Variants in EPHA6 observed in about 807,000 individuals in gnomAD.
The protein encoded by EPHA6 is ephrin type-A receptor 6.
In EPHA6, 50 loss-of-function variants were observed where a neutral mutation model predicts 112.0. The ratio of observed to expected loss-of-function variants is 0.45; its 90% CI spans 0.36 to 0.56. The LOEUF is 0.56. Among genes scored for constraint, EPHA6 ranks in the 20% least tolerant of loss-of-function variants. EPHA6 has a pLI of 0.00. For missense variants in EPHA6, 1,280 were observed against 1,417.4 expected (o/e 0.90, Z 1.56); for synonymous variants, 529 against 490.7 (o/e 1.08, Z -1.03).
chr3:97,655,533 G>A (rs2094132964), intron 14 of EPHA6, among the ~76,000 whole-genome samples: 1 of 151,842 alleles, frequency 6.6e-6, no homozygotes, highest in East Asian at 1.9e-4. Context: ...ATCATCGTTG[G>A]ACATTTGGGT....
At chr3:97,232,075 A>G (rs1197814408) in intron 4 of EPHA6, among the ~76,000 whole-genome samples, 2 of 152,272 alleles carry the variant, frequency 1.3e-5, no homozygotes, top group Non-Finnish European at 2.9e-5. Flanking sequence ...AGTTTCCTCT[A>G]ATTCAAAGAA....
At chr3:96,924,826 T>C (rs2039952425) in intron 2 of EPHA6, among the ~76,000 whole-genome samples, 1 of 152,210 alleles carries the variant, frequency 6.6e-6, no homozygotes, top group African/African-American at 2.4e-5. Flanking sequence ...CCTAGTTTAT[T>C]GAGAGATTTT....
intron 5 of EPHA6, among the ~76,000 whole-genome samples, chr3:97,330,423 C>G (rs905181096): frequency 1.3e-5 from 2 of 152,118 alleles, no homozygotes; most frequent in African/African-American, 4.8e-5. Flanking sequence ...TGGCCATTTT[C>G]ATGATATTGA....
At chr3:97,407,524 G>A (rs2087432527) in intron 6 of EPHA6, among the ~76,000 whole-genome samples, 1 of 151,798 alleles carries the variant, frequency 6.6e-6, no homozygotes, top group African/African-American at 2.4e-5. Context: ...AGAGTGATAT[G>A]TCAGAAAGAA....
At chr3:97,532,803 G>A (rs1460228178) in intron 11 of EPHA6, among the ~76,000 whole-genome samples, 1 of 151,872 alleles carries the variant, frequency 6.6e-6, no homozygotes. Flanking sequence ...AGGGTTATGT[G>A]TTTTTGCTTT....
At position 97,565,533 on chromosome 3, in the gene EPHA6, A is replaced by G. The variant is rs1415690566; in HGVS notation, c.2387-27079A>G. On this transcript the variant is annotated intron_variant, in intron 11 of 17. Transcript: ENST00000389672. Reference sequence around the variant, plus strand: ...AAATATTGGAATTCACAAATTAAAAATACAAATATATATTTTCTCAAATGT... The same window carrying G: ...AAATATTGGAATTCACAAATTAAAAGTACAAATATATATTTTCTCAAATGT... Among the ~76,000 whole-genome samples, 3 of 152,238 alleles carry G rather than the reference A, an allele frequency of 2.0e-5. No homozygotes were observed. In the East Asian group the frequency reaches 5.8e-4, roughly 29 times the overall value.
chr3:97,231,304 GCTTA>G (rs1397832352), intron 4 of EPHA6, among the ~76,000 whole-genome samples: 4 of 152,118 alleles, frequency 2.6e-5, no homozygotes, highest in Admixed American at 6.5e-5. Context: ...TTTTTTAAGA[GCTTA>G]CTTACTTTGT....
chr3:97,036,000 A>G (rs568268640), intron 3 of EPHA6, among the ~76,000 whole-genome samples: 1 of 151,942 alleles, frequency 6.6e-6, no homozygotes, highest in Non-Finnish European at 1.5e-5. Context: ...AGGCTCCAGA[A>G]TGCTTCCTTG....
chr3:97,221,127 A>G (rs999336264), intron 3 of EPHA6, among the ~76,000 whole-genome samples: 5 of 151,948 alleles, frequency 3.3e-5, no homozygotes, highest in African/African-American at 1.2e-4. Flanking sequence ...CATCTGGCCA[A>G]CACGGTGAAA....
At position 97,179,271 on chromosome 3, in the gene EPHA6, T is replaced by A. The variant is rs531499240; in HGVS notation, c.1115-46993T>A. Among the ~76,000 whole-genome samples, 8 of 152,240 alleles carry A rather than the reference T, an allele frequency of 5.3e-5. No individual in the cohort carries two copies. The South Asian group carries it at 1.7e-3, about 32-fold the overall frequency. ...TAAATTTTTCTGATAGAATTCTGAA[T>A]TCCTTCTCTGTGTTATGTGGTATTT... On this transcript the variant is annotated intron_variant, in intron 3 of 17. Transcript: ENST00000389672.
chr3:97,437,077 C>T (rs1199889748), intron 6 of EPHA6, among the ~76,000 whole-genome samples: 1 of 151,110 alleles, frequency 6.6e-6, no homozygotes, highest in Non-Finnish European at 1.5e-5. Flanking sequence ...AGCTCATCAG[C>T]TATCATTAGT....
At chr3:97,387,316 G>GTTTTTT (rs1451719738) in intron 5 of EPHA6, among the ~76,000 whole-genome samples, 1 of 132,250 alleles carries the variant, frequency 7.6e-6, no homozygotes, top group Admixed American at 7.6e-5. Flanking sequence ...TTACAATTCA[G>GTTTTTT]TTTTTTTTTT....
At chr3:96,877,196 AC>A (rs1361312423) in intron 2 of EPHA6, among the ~76,000 whole-genome samples, 4 of 152,138 alleles carry the variant, frequency 2.6e-5, no homozygotes, top group Non-Finnish European at 5.9e-5. Context: ...TGGAAAAAAG[AC>A]TAAATGGTTG....
intron 2 of EPHA6, among the ~76,000 whole-genome samples, chr3:96,969,274 T>C (rs926832056): frequency 6.6e-5 from 10 of 151,998 alleles, no homozygotes; most frequent in African/African-American, 2.4e-4. Context: ...ATATAACCAA[T>C]TGTAATTTTA....
intron 3 of EPHA6, among the ~76,000 whole-genome samples, chr3:97,077,597 A>G (rs990472626): frequency 2.6e-5 from 4 of 151,128 alleles, no homozygotes; most frequent in Admixed American, 6.6e-5. Flanking sequence ...CCTTTGTCCA[A>G]GTGTTCTCAT....
intron 11 of EPHA6, among the ~76,000 whole-genome samples, chr3:97,533,379 G>T (rs2107651702): frequency 6.6e-6 from 1 of 152,072 alleles, no homozygotes; most frequent in Admixed American, 6.6e-5. Flanking sequence ...AAGTATAAAA[G>T]CTTACTAAAG....
At chr3:96,952,365 G>GAGGTGTTTGT (rs1559618780) in intron 2 of EPHA6, among the ~76,000 whole-genome samples, 17 of 152,034 alleles carry the variant, frequency 1.1e-4, no homozygotes, top group African/African-American at 4.1e-4. Context: ...GAGGTGTTTG[G>GAGGTGTTTGT]ATCGTGAAGG....
rs567402061 is a variant in EPHA6, at chr3:97,414,779, A to AC, written c.1731+9505_1731+9506insC. ...ATGACACTGATATAATTACTATTTG[A>AC]AAAAAGGAAATCTGCCCAGAAAAAT... On this transcript the variant is annotated intron_variant, in intron 6 of 17. Coordinates refer to ENST00000389672, the MANE Select transcript of EPHA6 (RefSeq NM_001080448.3). Among the ~76,000 whole-genome samples, 461 of 152,198 alleles carry AC rather than the reference A, an allele frequency of 3.0e-3. 2 individuals carry two copies. Among genetic ancestry groups the AC allele is most frequent in the African/African-American group, 0.01 (432 of 41,568 alleles).
intron 2 of EPHA6, among the ~76,000 whole-genome samples, chr3:96,912,857 G>T (rs2039286663): frequency 3.3e-5 from 5 of 152,026 alleles, no homozygotes; most frequent in Admixed American, 2.6e-4. Context: ...CTTCCAAAAT[G>T]TTGGGATTCC....
Sources: gnomAD v4.1 joint callset for allele counts (sites outside exome capture counted in the v4.1 genomes callset) on GRCh38, gnomAD v4.1.1 for gene constraint, MANE v1.5 for transcripts, NCBI Gene and HGNC (gene_info 2026-07-23, HGNC 2026-07-21) for gene names.